AGO3: variants seen among roughly 807,000 people sequenced by gnomAD.
AGO3 encodes the protein protein argonaute-3.
AGO3 carries 16 observed loss-of-function variants against 105.5 expected under a neutral mutation model. The observed-to-expected ratio is 0.15, with a 90% CI of 0.10 to 0.23. The LOEUF (loss-of-function observed/expected upper bound fraction) is 0.23. AGO3 is among the 10% of genes least tolerant of loss of function. The pLI is 1.00. For missense variants in AGO3, 534 were observed against 1,088.0 expected (o/e 0.49, Z 7.16); for synonymous variants, 340 against 367.3 (o/e 0.93, Z 0.85).
At chr1:36,046,263 T>C (rs1028293994) in intron 17 of AGO3, among the ~76,000 whole-genome samples, 10 of 152,206 alleles carry the variant, frequency 6.6e-5, no homozygotes, top group African/African-American at 2.4e-4. Context: ...GGATATGTCT[T>C]GCTCCAGGGG....
At chr1:36,009,716 C>T in intron 9 of AGO3, 122 bp downstream of exon 9, 1 of 1,036,026 alleles carries the variant, frequency 9.7e-7, no homozygotes, top group Non-Finnish European at 1.3e-6. Flanking sequence ...GAATTAAAAG[C>T]AATCATGGAA....
chr1:36,029,681 C>T (rs1159101024), intron 12 of AGO3, among the ~76,000 whole-genome samples: 1 of 149,856 alleles, frequency 6.7e-6, no homozygotes, highest in African/African-American at 2.5e-5. Context: ...CAGGCGTGAG[C>T]CACCATGCCC....
At chr1:36,041,329 C>G (rs1642242255) in intron 16 of AGO3, among the ~76,000 whole-genome samples, 1 of 149,886 alleles carries the variant, frequency 6.7e-6, no homozygotes, top group African/African-American at 2.5e-5. Context: ...GCAAGCTCCG[C>G]CTCCCAGGTT....
intron 3 of AGO3, 96 bp downstream of exon 3, chr1:35,967,171 G>A: frequency 2.9e-6 from 4 of 1,367,716 alleles, no homozygotes; most frequent in Non-Finnish European, 3.9e-6. Context: ...ATATATATGT[G>A]AATATTTATC....
chr1:36,012,164 A>G (rs1427689912), intron 9 of AGO3, among the ~76,000 whole-genome samples: 2 of 151,874 alleles, frequency 1.3e-5, no homozygotes, highest in Non-Finnish European at 2.9e-5. Flanking sequence ...GTGAGACCCC[A>G]TCTCTACAAA....
At chr1:35,962,729 C>A (rs527973700) in intron 2 of AGO3, among the ~76,000 whole-genome samples, 2 of 151,944 alleles carry the variant, frequency 1.3e-5, no homozygotes, top group East Asian at 3.9e-4. Flanking sequence ...GAAACCTGCT[C>A]ACTAGATGGA....
At chr1:36,041,480 A>T (rs1642248973) in intron 16 of AGO3, among the ~76,000 whole-genome samples, 1 of 151,946 alleles carries the variant, frequency 6.6e-6, no homozygotes. Flanking sequence ...TCACTTTGTG[A>T]TCCGCCTGCC....
intron 17 of AGO3, among the ~76,000 whole-genome samples, chr1:36,052,865 A>G (rs1267699524): frequency 6.6e-6 from 1 of 152,114 alleles, no homozygotes; most frequent in African/African-American, 2.4e-5. Context: ...TAAAAAAATT[A>G]GCTGGGTGTG....
rs540364228 is a variant in AGO3, at chr1:36,059,573, A to G, written c.*3828A>G. On this transcript the variant is annotated 3_prime_UTR_variant, in exon 19 of 19. Coordinates refer to ENST00000373191, the MANE Select transcript of AGO3 (RefSeq NM_024852.4). ...TGGCAACTAGATAATTGATTTTCAT[A>G]TGAAGAAGAGTTGGGAGTTTAATGT... The G allele has an allele frequency of 7.9e-5, 12 of 151,216 alleles. No individual in the cohort carries two copies. The South Asian group carries it at 2.5e-3, about 32-fold the overall frequency. 9.4% of individuals were successfully genotyped at this position (151,216 alleles called of 1,614,324 possible).
intron 2 of AGO3, among the ~76,000 whole-genome samples, chr1:35,951,148 G>A (rs957320166): frequency 2.0e-5 from 3 of 152,152 alleles, no homozygotes; most frequent in Admixed American, 6.5e-5. Flanking sequence ...TCGGGGTTTC[G>A]CCATGTTGAT....
At chr1:36,030,878 A>G (rs679457) in intron 12 of AGO3, among the ~76,000 whole-genome samples, 99,131 of 152,062 alleles carry the variant, frequency 0.65, 35,856 homozygotes, top group Non-Finnish European at 0.84. Flanking sequence ...TGTTTTCCCT[A>G]GACTTTTTAA....
At chr1:35,993,908 C>T (rs567938854) in intron 5 of AGO3, among the ~76,000 whole-genome samples, 18 of 151,422 alleles carry the variant, frequency 1.2e-4, no homozygotes, top group African/African-American at 3.6e-4. Flanking sequence ...CCACCATGCC[C>T]GGCTAATTTT....
chr1:36,054,678 TG>T (rs2148864947), intron 17 of AGO3, among the ~76,000 whole-genome samples: 1 of 152,194 alleles, frequency 6.6e-6, no homozygotes, highest in South Asian at 2.1e-4. Context: ...GTCAGGAGTT[TG>T]AGACCAGCCT....
At chr1:36,013,863 T>C in intron 10 of AGO3, 52 bp from the exon 11 acceptor site, 9 of 1,602,012 alleles carry the variant, frequency 5.6e-6, no homozygotes, top group South Asian at 1.1e-5. Context: ...ACTTTCTGTT[T>C]ATTGAAAATT....
chr1:36,049,474 C>T (rs1261366661), intron 17 of AGO3, among the ~76,000 whole-genome samples: 3 of 151,114 alleles, frequency 2.0e-5, no homozygotes, highest in Non-Finnish European at 1.5e-5. Context: ...GCCGAGATTG[C>T]GCCACTGCAC....
At chr1:36,007,805 C>A (rs1640409291) in intron 6 of AGO3, among the ~76,000 whole-genome samples, 1 of 152,046 alleles carries the variant, frequency 6.6e-6, no homozygotes, top group Admixed American at 6.6e-5. Context: ...AAATGTAGAA[C>A]ATTCCATCAC....
At chr1:36,012,483 A>T (rs578156048) in intron 9 of AGO3, among the ~76,000 whole-genome samples, 2 of 152,238 alleles carry the variant, frequency 1.3e-5, no homozygotes, top group South Asian at 4.1e-4. Context: ...GGAATATATA[A>T]AAATTATAAC....
intron 2 of AGO3, among the ~76,000 whole-genome samples, chr1:35,953,713 T>TATTGGC (rs1646514537): frequency 6.6e-6 from 1 of 152,090 alleles, no homozygotes; most frequent in Non-Finnish European, 1.5e-5. Flanking sequence ...GGTTTCACTA[T>TATTGGC]ATTGGCCAGG....
In AGO3 at chr1:35,947,099, T is replaced by TTTTA. The variant is rs540271850; in HGVS notation, c.191+1260_191+1263dup. On this transcript the variant is annotated intron_variant, in intron 2 of 18. Transcript: ENST00000373191. Reference sequence around the variant, plus strand: ...TGTAGTAAAAATAACATACATATAATTTTATTTATTTATTTATTTATTTAT... The same window carrying TTTTA: ...TGTAGTAAAAATAACATACATATAATTTTATTTATTTATTTATTTATTTATTTAT... 8.2e-3 allele frequency among the ~76,000 whole-genome samples: 1,246 copies of TTTTA among 151,908 alleles called. 15 individuals carry two copies. The highest frequency in any genetic ancestry group is 0.027 in the African/African-American group (1,113 of 41,452).
Sources: gnomAD v4.1 joint callset for allele counts (sites outside exome capture counted in the v4.1 genomes callset) on GRCh38, gnomAD v4.1.1 for gene constraint, MANE v1.5 for transcripts, NCBI Gene and HGNC (gene_info 2026-07-23, HGNC 2026-07-21) for gene names.